Variants in RPL36 observed in about 807,000 individuals in gnomAD.
RPL36 encodes the protein large ribosomal subunit protein eL36.
For missense variants in RPL36, 131 were observed against 144.9 expected (o/e 0.90, Z 0.49); for synonymous variants, 74 against 56.0 (o/e 1.32, Z -1.44).
chr19:5,691,372 C>T lies in RPL36; in HGVS notation c.147C>T (p.Gly49=), dbSNP rs760952593. Reference sequence around the variant, plus strand: ...GGGACATGATTCGGGAGGTGTGTGGCTTTGCCCCGTACGAGCGGCGCGCCA... The same window carrying T: ...GGGACATGATTCGGGAGGTGTGTGGTTTTGCCCCGTACGAGCGGCGCGCCA... ...FVRDMIREVC[G]FAPYERRAME... is the part of the protein sequence containing the mutation. The change falls in exon 3 of 4, where the codon GGC becomes GGT. Residue 49 remains glycine, a synonymous_variant. Transcript: ENST00000347512. 27 of 1,613,676 alleles carry T rather than the reference C, an allele frequency of 1.7e-5. No individual in the cohort carries two copies. Among genetic ancestry groups the T allele is most frequent in the Non-Finnish European group, 2.3e-5 (27 of 1,180,012 alleles).
intron 2 of RPL36, chr19:5,691,012 A>C (rs779804668): frequency 1.5e-5 from 8 of 545,064 alleles, no homozygotes; most frequent in Non-Finnish European, 2.3e-5. Context: ...GAGTTCGCTC[A>C]TGGAGCTGGC....
In RPL36 at chr19:5,691,549, C is replaced by G. The variant is rs765078473; in HGVS notation, c.246C>G (p.Arg82=). 1.2e-6 allele frequency: 2 copies of G among 1,611,892 alleles called. No homozygotes were observed. The highest frequency in any genetic ancestry group is 2.2e-5 in the South Asian group (2 of 91,006). Residue 82 remains arginine, a synonymous_variant, in exon 4 of 4, where the codon CGC becomes CGG. Coordinates refer to ENST00000347512, the MANE Select transcript of RPL36 (RefSeq NM_033643.3). The part of the protein sequence containing the change: ...FIKKRVGTHI[R]AKRKREELSN... ...CCTGGCAGGTGGGGACGCACATCCG[C>G]GCCAAGAGGAAGCGGGAGGAGCTGA...
rs1364781517 is a variant in RPL36, at chr19:5,691,141, T to TA, written c.94-177dup. The TA allele has an allele frequency of 1.2e-5, 10 of 829,548 alleles. No homozygotes were observed. In the East Asian group the frequency reaches 2.6e-4, roughly 22 times the overall value. 51.4% of individuals were successfully genotyped at this position (829,548 alleles called of 1,614,324 possible). A position where few individuals can be genotyped will look rare whatever the true frequency, so the allele number is the denominator to read the frequency against. ...TGCCAGTGTTGCGGAGACTGGGACT[T>TA]AGGGAGGATGGGAGCTGCTCCGGGC... On this transcript the variant is annotated intron_variant, in intron 2 of 3. Coordinates refer to ENST00000347512, the MANE Select transcript of RPL36 (RefSeq NM_033643.3).
In RPL36 at chr19:5,691,529, C is replaced by T; in HGVS notation, c.229-3C>T. 1 of 1,607,550 alleles carries T rather than the reference C, an allele frequency of 6.2e-7. No homozygotes were observed. Among genetic ancestry groups the T allele is most frequent in the Non-Finnish European group, 8.5e-7 (1 of 1,175,778 alleles). ...GGGCTGACGGCGGCCTCGTCCCTGG[C>T]AGGTGGGGACGCACATCCGCGCCAA... On this transcript the variant is annotated splice_region_variant and splice_polypyrimidine_tract_variant and intron_variant, in intron 3 of 3. Coordinates refer to ENST00000347512, the MANE Select transcript of RPL36 (RefSeq NM_033643.3).
At chr19:5,691,101 A>C (rs1599437123) in intron 2 of RPL36, 1 of 644,316 alleles carries the variant, frequency 1.6e-6, no homozygotes, top group Non-Finnish European at 2.7e-6. Flanking sequence ...GGCAGCCCAG[A>C]CTCCAGGTGC....
chr19:5,690,630 G>C (rs780148472), intron 2 of RPL36, 30 bp downstream of exon 2: 1 of 1,532,718 alleles, frequency 6.5e-7, no homozygotes, highest in Non-Finnish European at 8.8e-7. Flanking sequence ...GGAGGTTGTC[G>C]GGGGTTTCTT....
intron 2 of RPL36, 84 bp from the exon 3 acceptor site, chr19:5,691,235 G>A (rs2054813777): frequency 1.9e-5 from 30 of 1,596,150 alleles, no homozygotes; most frequent in Non-Finnish European, 2.4e-5. Context: ...GAAGTAGCCA[G>A]GGAAATCGCG....
At chr19:5,690,895 C>G in intron 2 of RPL36, 1 of 557,838 alleles carries the variant, frequency 1.8e-6, no homozygotes, top group South Asian at 2.0e-5. Context: ...GCTCATGGAG[C>G]TGGCCCGAGG....
In RPL36 at chr19:5,691,772, G is replaced by A; in HGVS notation, c.*151G>A. The stretch of plus-strand genomic sequence containing the variant: ...CCACACCCTCTCCGGGTGCTGCCTG[G>A]TCGTGAATCAAAAGCCGTGGCCCGC... On this transcript the variant is annotated 3_prime_UTR_variant, in exon 4 of 4. Coordinates refer to ENST00000347512, the MANE Select transcript of RPL36 (RefSeq NM_033643.3). 1.0e-6 allele frequency: 1 copy of A among 984,416 alleles called. No individual in the cohort carries two copies. The allele number at this position is 984,416 out of a possible 1,614,324, so 61.0% of individuals were successfully genotyped here.
rs10419745 is a variant in RPL36 at position 5,690,303 on chromosome 19, C to G, written c.-27C>G. On this transcript the variant is annotated 5_prime_UTR_variant, in exon 1 of 4. Transcript: ENST00000347512. ...TTCCGCGCGGCGCCAGCCCTTCCGC[C>G]ACGGCCGTCTCTGGAGAGCAGCAGG... 2,770 of 616,472 alleles carry G rather than the reference C, an allele frequency of 4.5e-3. 56 individuals are homozygous for G. Among genetic ancestry groups the G allele is most frequent in the African/African-American group, 0.045 (2,458 of 54,842 alleles). The allele number at this position is 616,472 out of a possible 1,614,324, so 38.2% of individuals were successfully genotyped here.
At position 5,691,777 on chromosome 19, in the gene RPL36, G is replaced by T; in HGVS notation, c.*156G>T. On this transcript the variant is annotated 3_prime_UTR_variant, in exon 4 of 4. Transcript: ENST00000347512. The stretch of plus-strand genomic sequence containing the variant: ...CCCTCTCCGGGTGCTGCCTGGTCGT[G>T]AATCAAAAGCCGTGGCCCGCCCACC... 1 of 964,756 alleles carries T rather than the reference G, an allele frequency of 1.0e-6. No individual in the cohort carries two copies. Among genetic ancestry groups the T allele is most frequent in the Non-Finnish European group, 1.6e-6 (1 of 631,952 alleles). The allele number at this position is 964,756 out of a possible 1,614,324, so 59.8% of individuals were successfully genotyped here.
intron 2 of RPL36, chr19:5,690,838 C>T (rs1390156635): frequency 1.7e-6 from 1 of 589,620 alleles, no homozygotes; most frequent in South Asian, 2.0e-5. Context: ...ACCTTGAGAG[C>T]GGCGCGGGGC....
chr19:5,691,303 C>T lies in RPL36; in HGVS notation c.94-16C>T, dbSNP rs1294030561. 5 of 1,612,312 alleles carry T rather than the reference C, an allele frequency of 3.1e-6. No individual in the cohort carries two copies. The highest frequency in any genetic ancestry group is 4.2e-6 in the Non-Finnish European group (5 of 1,180,022). Reference sequence around the variant, plus strand: ...AGGGATCCCCCTACCCTGACGGCCGCCCCTTTCCCCCCTAGCGTCTGACCA... The same window carrying T: ...AGGGATCCCCCTACCCTGACGGCCGTCCCTTTCCCCCCTAGCGTCTGACCA... On this transcript the variant is annotated splice_polypyrimidine_tract_variant and intron_variant, in intron 2 of 3. Coordinates refer to ENST00000347512, the MANE Select transcript of RPL36 (RefSeq NM_033643.3).
rs2054800523 is a variant in RPL36, at chr19:5,690,373, C to T, written c.-3+46C>T. On this transcript the variant is annotated intron_variant, in intron 1 of 3. Transcript: ENST00000347512. ...CCGGTATCCGCCGCCATCCGGACTC[C>T]CGGGTCCTCTGTGCAGGTTGGAGGA... 5.5e-6 allele frequency: 4 copies of T among 732,898 alleles called. No individual in the cohort carries two copies. The South Asian group carries it at 6.0e-5, about 11-fold the overall frequency. 45.4% of individuals were successfully genotyped at this position (732,898 alleles called of 1,614,324 possible).
chr19:5,691,472 C>T lies in RPL36; in HGVS notation c.228+19C>T, dbSNP rs775647589. 2.6e-4 allele frequency: 417 copies of T among 1,608,832 alleles called. 2 individuals are homozygous for T. Among genetic ancestry groups the T allele is most frequent in the Non-Finnish European group, 2.9e-4 (346 of 1,175,934 alleles). ...GAAAAGGGTAGGTGGGCGCTGCCGG[C>T]CGAGGGGCGGGGTGGGATGGGAGTC... On this transcript the variant is annotated intron_variant, in intron 3 of 3. Transcript: ENST00000347512.
chr19:5,691,612 G>A lies in RPL36; in HGVS notation c.309G>A (p.Lys103=), dbSNP rs1238216616. ...CCGCCATGAGGAAAGCTGCTGCCAAGAAAGACTGAGCCCCTCCCCTGCCCT... is the reference window on the plus strand; with the variant it reads ...CCGCCATGAGGAAAGCTGCTGCCAAAAAAGACTGAGCCCCTCCCCTGCCCT... The part of the protein sequence containing the change: ...VLAAMRKAAA[K]KD The change falls in exon 4 of 4, where the codon AAG becomes AAA. Residue 103 remains lysine, a synonymous_variant. Transcript: ENST00000347512. The A allele has an allele frequency of 6.2e-6, 10 of 1,608,724 alleles. No homozygotes were observed. Among genetic ancestry groups the A allele is most frequent in the Non-Finnish European group, 8.5e-6 (10 of 1,178,832 alleles).
rs980914364 is a variant in RPL36, at chr19:5,690,296, C to G, written c.-34C>G. 1 of 612,084 alleles carries G rather than the reference C, an allele frequency of 1.6e-6. No individual in the cohort carries two copies. Among genetic ancestry groups the G allele is most frequent in the East Asian group, 2.8e-5 (1 of 35,696 alleles). 37.9% of individuals were successfully genotyped at this position (612,084 alleles called of 1,614,324 possible). A position where few individuals can be genotyped will look rare whatever the true frequency, so the allele number is the denominator to read the frequency against. The stretch of plus-strand genomic sequence containing the variant: ...CCCGGAGTTCCGCGCGGCGCCAGCC[C>G]TTCCGCCACGGCCGTCTCTGGAGAG... On this transcript the variant is annotated 5_prime_UTR_variant, in exon 1 of 4. Transcript: ENST00000347512.
intron 2 of RPL36, chr19:5,691,084 T>C: frequency 3.3e-6 from 2 of 614,070 alleles, no homozygotes; most frequent in Non-Finnish European, 5.7e-6. Context: ...GGCGCCTTTA[T>C]TCAGCAGGCA....
chr19:5,691,285 C>T (rs1484255007), intron 2 of RPL36, 34 bp from the exon 3 acceptor site: 2 of 1,611,886 alleles, frequency 1.2e-6, no homozygotes, highest in Non-Finnish European at 1.7e-6. Flanking sequence ...TGCAGGGATC[C>T]CCCTACCCTG....
Sources: allele counts gnomAD v4.1 joint callset, GRCh38; gene constraint gnomAD v4.1.1; transcripts MANE v1.5; gene names NCBI Gene and HGNC (gene_info 2026-07-23, HGNC 2026-07-21).